FAM163A: variants seen among roughly 807,000 people sequenced by gnomAD.
FAM163A encodes family with sequence similarity 163 member A.
A neutral mutation model predicts 12.0 loss-of-function variants in FAM163A; 7 were observed. The ratio of observed to expected loss-of-function variants is 0.58; its 90% confidence interval spans 0.33 to 1.10. The LOEUF (loss-of-function observed/expected upper bound fraction) is 1.10, where lower values mean the gene tolerates loss of function less well. FAM163A is among the 50% of genes least tolerant of loss of function. FAM163A has a pLI of 0.03. For missense variants in FAM163A, 202 were observed against 218.6 expected (o/e 0.92, Z 0.48); for synonymous variants, 101 against 91.0 (o/e 1.11, Z -0.62).
chr1:179,735,221 T>C, the FAM163A span, among the ~76,000 whole-genome samples: 1 of 152,308 alleles, frequency 6.6e-6, no homozygotes, highest in South Asian at 2.1e-4. Context: ...CCCATACTCC[T>C]GAAGGGCAAG....
chr1:179,808,755 T>G (rs1416471506), intron 2 of FAM163A, among the ~76,000 whole-genome samples: 1 of 152,182 alleles, frequency 6.6e-6, no homozygotes, highest in African/African-American at 2.4e-5. Flanking sequence ...CAGGAGGCAG[T>G]GACCACTTGG....
At chr1:179,795,716 A>G (rs909496413) in intron 1 of FAM163A, among the ~76,000 whole-genome samples, 4 of 152,238 alleles carry the variant, frequency 2.6e-5, no homozygotes, top group African/African-American at 9.6e-5. Context: ...CCTTGACCAC[A>G]GGCTGAATCG....
chr1:179,747,373 G>A (rs1684639381), intron 1 of FAM163A, among the ~76,000 whole-genome samples: 3 of 152,204 alleles, frequency 2.0e-5, no homozygotes, highest in South Asian at 4.1e-4. Context: ...CCTGGAAGCC[G>A]ATGGATACAC....
chr1:179,751,086 CTT>C (rs1436585165), intron 1 of FAM163A, among the ~76,000 whole-genome samples: 1 of 152,066 alleles, frequency 6.6e-6, no homozygotes, highest in East Asian at 1.9e-4. Flanking sequence ...AGCCAGGAGA[CTT>C]TGAACCATCT....
At chr1:179,791,473 A>G (rs913756633) in intron 1 of FAM163A, among the ~76,000 whole-genome samples, 1 of 152,194 alleles carries the variant, frequency 6.6e-6, no homozygotes, top group Non-Finnish European at 1.5e-5. Flanking sequence ...AGGGGATGGA[A>G]CCTGTACAAT....
intron 1 of FAM163A, among the ~76,000 whole-genome samples, chr1:179,788,093 G>A (rs1468361497): frequency 6.6e-6 from 1 of 152,160 alleles, no homozygotes; most frequent in Non-Finnish European, 1.5e-5. Flanking sequence ...CTCTATAAAG[G>A]TAATTTTGTC....
intron 1 of FAM163A, among the ~76,000 whole-genome samples, chr1:179,779,331 G>A (rs752599330): frequency 6.6e-5 from 10 of 152,294 alleles, no homozygotes; most frequent in Admixed American, 2.0e-4. Context: ...CAGGGCTCAG[G>A]GGGATATGAA....
chr1:179,776,110 C>T (rs114901816), intron 1 of FAM163A, among the ~76,000 whole-genome samples: 11 of 152,194 alleles, frequency 7.2e-5, no homozygotes, highest in Middle Eastern at 3.4e-3. Flanking sequence ...GTCTAGTCAA[C>T]GAGTCAGCAT....
intron 1 of FAM163A, among the ~76,000 whole-genome samples, chr1:179,791,452 T>C (rs1382152062): frequency 2.6e-5 from 4 of 152,148 alleles, no homozygotes; most frequent in Non-Finnish European, 1.5e-5. Context: ...AGGAGGCAGT[T>C]CTTTGGGGAC....
At chr1:179,735,745 A>C in the FAM163A span, among the ~76,000 whole-genome samples, 1 of 151,912 alleles carries the variant, frequency 6.6e-6, no homozygotes, top group Admixed American at 6.6e-5. Context: ...CCTCGTGATC[A>C]GCCCACCTCG....
Position 179,777,465 on chromosome 1 carries a change from T to A in FAM163A, c.-135-30333T>A, listed in dbSNP as rs1405219668. On this transcript the variant is annotated intron_variant, in intron 1 of 4. Coordinates refer to ENST00000341785, the MANE Select transcript of FAM163A (RefSeq NM_173509.3). The stretch of plus-strand genomic sequence containing the variant: ...GCCAGGAGCTCCGTGAGATCAGCCT[T>A]CGTGTGCCACCCCCCACAGACCCGA... Among the ~76,000 whole-genome samples, 4 of 152,140 alleles carry A rather than the reference T, an allele frequency of 2.6e-5. No individual in the cohort carries two copies. The East Asian group carries it at 7.7e-4, about 29-fold the overall frequency.
upstream of FAM163A, among the ~76,000 whole-genome samples, chr1:179,739,661 G>A (rs973750283): frequency 6.6e-6 from 1 of 151,992 alleles, no homozygotes; most frequent in Non-Finnish European, 1.5e-5. Context: ...CCCTTATCTA[G>A]ACTATATAGA....
In FAM163A at chr1:179,815,397, T is replaced by TC; in HGVS notation, c.*1210dup. The stretch of plus-strand genomic sequence containing the variant: ...CAGAGCCCGGCATTCTATGTAAGCA[T>TC]CCACCTGTGACGCCGTGGAGCAGGA... On this transcript the variant is annotated 3_prime_UTR_variant, in exon 5 of 5. Coordinates refer to ENST00000341785, the MANE Select transcript of FAM163A (RefSeq NM_173509.3). 6.6e-6 allele frequency: 1 copy of TC among 152,288 alleles called. No individual in the cohort carries two copies. Among genetic ancestry groups the TC allele is most frequent in the Non-Finnish European group, 1.5e-5 (1 of 68,156 alleles). 9.4% of individuals were successfully genotyped at this position (152,288 alleles called of 1,614,324 possible). A position where few individuals can be genotyped will look rare whatever the true frequency, so the allele number is the denominator to read the frequency against.
intron 1 of FAM163A, among the ~76,000 whole-genome samples, chr1:179,751,673 T>A (rs1685290911): frequency 6.6e-6 from 1 of 151,986 alleles, no homozygotes; most frequent in Admixed American, 6.6e-5. Context: ...GCCAGTGTAT[T>A]CTCTAGCAAG....
intron 1 of FAM163A, among the ~76,000 whole-genome samples, chr1:179,800,739 G>A (rs557395549): frequency 7.3e-4 from 111 of 152,264 alleles, no homozygotes; most frequent in Non-Finnish European, 1.2e-3. Flanking sequence ...GATAAATGAG[G>A]GGAATAACAG....
chr1:179,800,976 C>T (rs138823057), intron 1 of FAM163A, among the ~76,000 whole-genome samples: 1 of 152,132 alleles, frequency 6.6e-6, no homozygotes, highest in Non-Finnish European at 1.5e-5. Flanking sequence ...GCTCAAGCCC[C>T]CATTATAGGG....
Position 179,782,862 on chromosome 1 carries a change from G to A in FAM163A, c.-135-24936G>A, listed in dbSNP as rs374680133. Among the ~76,000 whole-genome samples the A allele has an allele frequency of 7.2e-5, 11 of 152,286 alleles. No individual in the cohort carries two copies. The South Asian group carries it at 1.0e-3, about 14-fold the overall frequency. On this transcript the variant is annotated intron_variant, in intron 1 of 4. Coordinates refer to ENST00000341785, the MANE Select transcript of FAM163A (RefSeq NM_173509.3). ...AGACCTCCCACCCCTGGCTGGTGCC[G>A]TTTCTTCAAACCGTGGTCACAGTTG...
At chr1:179,751,160 T>C (rs894737044) in intron 1 of FAM163A, among the ~76,000 whole-genome samples, 1 of 152,010 alleles carries the variant, frequency 6.6e-6, no homozygotes, top group African/African-American at 2.4e-5. Flanking sequence ...GAGGTCCAGG[T>C]AGGAGCTATG....
intron 1 of FAM163A, among the ~76,000 whole-genome samples, chr1:179,747,448 T>C (rs1684653637): frequency 6.6e-6 from 1 of 152,180 alleles, no homozygotes. Flanking sequence ...GACAGGCTGT[T>C]GAATAGCAGA....
Sources: gnomAD v4.1 joint callset for allele counts (sites outside exome capture counted in the v4.1 genomes callset) on GRCh38, gnomAD v4.1.1 for gene constraint, MANE v1.5 for transcripts, NCBI Gene and HGNC (gene_info 2026-07-23, HGNC 2026-07-21) for gene names.